FHIP1A: variants seen among roughly 807,000 people sequenced by gnomAD.
FHIP1A encodes FHF complex subunit HOOK-interacting protein 1A.
FHIP1A carries 61 observed loss-of-function variants against 88.6 expected under a neutral mutation model. The ratio of observed to expected loss-of-function variants is 0.69; its 90% confidence interval spans 0.56 to 0.85. The LOEUF (loss-of-function observed/expected upper bound fraction) is 0.85, where lower values mean the gene tolerates loss of function less well. Among genes scored for constraint, FHIP1A ranks in the 40% least tolerant of loss-of-function variants. The pLI is 0.00. For missense variants in FHIP1A, 1,154 were observed against 1,273.5 expected (o/e 0.91, Z 1.43); for synonymous variants, 478 against 496.0 (o/e 0.96, Z 0.48).
At chr4:151,562,569 C>T (rs1449272433) in intron 3 of FHIP1A, among the ~76,000 whole-genome samples, 4 of 152,134 alleles carry the variant, frequency 2.6e-5, no homozygotes, top group Admixed American at 2.0e-4. Flanking sequence ...TTAAGGTGGC[C>T]ATTCCATTTC....
chr4:151,555,481 A>G (rs545012517), intron 3 of FHIP1A, among the ~76,000 whole-genome samples: 2 of 152,248 alleles, frequency 1.3e-5, no homozygotes, highest in Non-Finnish European at 2.9e-5. Context: ...TTTTGAAACA[A>G]GAGTATCTGA....
chr4:151,653,981 C>T (rs147406557), intron 11 of FHIP1A, among the ~76,000 whole-genome samples: 1 of 152,042 alleles, frequency 6.6e-6, no homozygotes, highest in African/African-American at 2.4e-5. Context: ...AACTGCTGTC[C>T]TCCAGAAACA....
chr4:151,521,825 A>G (rs1731457281), intron 3 of FHIP1A, among the ~76,000 whole-genome samples: 1 of 152,166 alleles, frequency 6.6e-6, no homozygotes, highest in African/African-American at 2.4e-5. Flanking sequence ...CCCAGGTTCA[A>G]GTGATCCTCC....
In FHIP1A at chr4:151,519,278, A is replaced by G. The variant is rs73861856; in HGVS notation, c.-123+36630A>G. Among the ~76,000 whole-genome samples the G allele has an allele frequency of 7.9e-3, 1,199 of 152,046 alleles. 11 individuals are homozygous for G. Among genetic ancestry groups the G allele is most frequent in the African/African-American group, 0.028 (1,152 of 41,462 alleles). On this transcript the variant is annotated intron_variant, in intron 3 of 13. Coordinates refer to ENST00000435205, the MANE Select transcript of FHIP1A (RefSeq NM_001109977.3). ...CCTTCCAAAGACAACCGCTATTACAATTTTTTCCACCATAGGTTAGTTTTG... is the reference window on the plus strand; with the variant it reads ...CCTTCCAAAGACAACCGCTATTACAGTTTTTTCCACCATAGGTTAGTTTTG...
chr4:151,581,937 AAAG>A (rs1386074032), intron 5 of FHIP1A, among the ~76,000 whole-genome samples: 1 of 152,168 alleles, frequency 6.6e-6, no homozygotes, highest in Non-Finnish European at 1.5e-5. Context: ...TTTCCCAGGA[AAAG>A]AAGGAGATTG....
intron 3 of FHIP1A, among the ~76,000 whole-genome samples, chr4:151,546,275 C>T (rs1188110709): frequency 6.6e-6 from 1 of 152,334 alleles, no homozygotes; most frequent in East Asian, 1.9e-4. Context: ...ACCTCACTCT[C>T]AGGTTCTCAG....
intron 1 of FHIP1A, among the ~76,000 whole-genome samples, chr4:151,445,862 A>G (rs942473229): frequency 7.0e-5 from 10 of 141,914 alleles, no homozygotes; most frequent in Admixed American, 6.4e-4. Flanking sequence ...ATATATATAT[A>G]TATATATATA....
intron 3 of FHIP1A, among the ~76,000 whole-genome samples, chr4:151,525,365 C>T (rs1731590374): frequency 6.6e-6 from 1 of 152,228 alleles, no homozygotes; most frequent in Non-Finnish European, 1.5e-5. Context: ...TGAGCATTTT[C>T]CAATTGTATT....
intron 9 of FHIP1A, among the ~76,000 whole-genome samples, chr4:151,643,801 G>T (rs1052301287): frequency 6.6e-6 from 1 of 152,340 alleles, no homozygotes; most frequent in African/African-American, 2.4e-5. Flanking sequence ...CAGTTTCGTA[G>T]ACTCTCTTTC....
chr4:151,588,094 T>C lies in FHIP1A; in HGVS notation c.892-746T>C, dbSNP rs1394544789. On this transcript the variant is annotated intron_variant, in intron 6 of 13. Coordinates refer to ENST00000435205, the MANE Select transcript of FHIP1A (RefSeq NM_001109977.3). ...AATGGGCATGGTAAGAACAGGGAAA[T>C]TATATTATTTCATACTGCATTTTGA... Among the ~76,000 whole-genome samples the C allele has an allele frequency of 5.3e-5, 8 of 152,168 alleles. No individual in the cohort carries two copies. In the East Asian group the frequency reaches 1.5e-3, roughly 29 times the overall value.
intron 9 of FHIP1A, among the ~76,000 whole-genome samples, chr4:151,641,254 C>T (rs1736577340): frequency 1.3e-5 from 2 of 152,198 alleles, no homozygotes. Context: ...AGAGGACATA[C>T]ACAGAAGTCA....
At chr4:151,530,120 C>T (rs1309257094) in intron 3 of FHIP1A, among the ~76,000 whole-genome samples, 1 of 152,104 alleles carries the variant, frequency 6.6e-6, no homozygotes, top group Non-Finnish European at 1.5e-5. Flanking sequence ...CAATACTGTC[C>T]TCACTATAGT....
rs1735538513 is a variant in FHIP1A at position 151,616,565 on chromosome 4, C to T, written c.979-13137C>T. On this transcript the variant is annotated intron_variant, in intron 7 of 13. Coordinates refer to ENST00000435205, the MANE Select transcript of FHIP1A (RefSeq NM_001109977.3). ...CCGGGTTCACGCCATTCTCCTGCCT[C>T]AACCTTCCGAGTACCTGGAACTACA... 2.7e-5 allele frequency among the ~76,000 whole-genome samples: 4 copies of T among 150,196 alleles called. No homozygotes were observed. The Admixed American group carries it at 2.7e-4, about 10-fold the overall frequency.
chr4:151,578,222 G>A, intron 5 of FHIP1A, 146 bp downstream of exon 5: 3 of 765,348 alleles, frequency 3.9e-6, no homozygotes, highest in Non-Finnish European at 6.2e-6. Context: ...GAAATCTTTG[G>A]AGGGAGCAGA....
chr4:151,659,882 A>G (rs1330822894), intron 13 of FHIP1A, among the ~76,000 whole-genome samples: 2 of 152,216 alleles, frequency 1.3e-5, no homozygotes, highest in Non-Finnish European at 2.9e-5. Flanking sequence ...CCAGTTCCAC[A>G]TTATTATTCT....
chr4:151,488,933 A>G (rs2126644160), intron 3 of FHIP1A, among the ~76,000 whole-genome samples: 1 of 152,354 alleles, frequency 6.6e-6, no homozygotes, highest in South Asian at 2.1e-4. Flanking sequence ...AAAATGGCAG[A>G]TAGGAGACAG....
At chr4:151,644,598 C>T (rs767450305) in intron 9 of FHIP1A, among the ~76,000 whole-genome samples, 63 of 152,272 alleles carry the variant, frequency 4.1e-4, no homozygotes, top group Admixed American at 7.2e-4. Flanking sequence ...GCAGTCCTCC[C>T]GCCTTAGCTT....
Position 151,650,029 on chromosome 4 carries a change from C to G in FHIP1A, c.1988C>G (p.Ala663Gly), listed in dbSNP as rs1390051083. ...GACATGAAGGATTCTCAGGAGGAAG[C>G]TGCTAGGCCACCAGCTGAAGCCCAG... ...SEDMKDSQEE[A>G]ARPPAEAQAE... Residue 663 changes from alanine (A) to glycine (G), a missense_variant, in exon 11 of 14, where the codon GCT becomes GGT. Physicochemically the swap from Ala to Gly is moderately conservative, Grantham distance 60 (BLOSUM62 0). Coordinates refer to ENST00000435205, the MANE Select transcript of FHIP1A (RefSeq NM_001109977.3). 4.5e-6 allele frequency: 7 copies of G among 1,551,584 alleles called. No individual in the cohort carries two copies. In the Admixed American group the frequency reaches 1.4e-4, roughly 30 times the overall value.
At chr4:151,623,390 G>C (rs187922708) in intron 7 of FHIP1A, among the ~76,000 whole-genome samples, 1 of 152,146 alleles carries the variant, frequency 6.6e-6, no homozygotes, top group Non-Finnish European at 1.5e-5. Context: ...GGAATGGGGA[G>C]GGAGTGGAAA....
Sources: allele counts gnomAD v4.1 joint callset (sites outside exome capture counted in the v4.1 genomes callset), GRCh38; gene constraint gnomAD v4.1.1; transcripts MANE v1.5; gene names NCBI Gene and HGNC (gene_info 2026-07-23, HGNC 2026-07-21).